The following PLAC1 variants were observed in gnomAD, a reference collection of about 807,000 sequenced individuals.
PLAC1 encodes the protein placenta associated 1.
For missense variants in PLAC1, 136 were observed against 163.2 expected (o/e 0.83, Z 0.91); for synonymous variants, 68 against 62.1 (o/e 1.09, Z -0.44).
At chrX:134,727,645 A>T (rs1029661401) in intron 2 of PLAC1, among the ~76,000 whole-genome samples, 1 of 112,373 alleles carries the variant, frequency 8.9e-6, no homozygotes, top group African/African-American at 3.2e-5. Flanking sequence ...TACTACAACA[A>T]GCAGCAACAA....
At chrX:134,700,574 A>T (rs1233114556) in intron 2 of PLAC1, among the ~76,000 whole-genome samples, 1 of 112,245 alleles carries the variant, frequency 8.9e-6, no homozygotes. Flanking sequence ...CCTGAAACTG[A>T]TAAAAGACTT....
chrX:134,691,872 G>C (rs1179393340), intron 2 of PLAC1, among the ~76,000 whole-genome samples: 1 of 111,759 alleles, frequency 8.9e-6, no homozygotes, highest in Non-Finnish European at 1.9e-5. Context: ...TGGAGAAGGT[G>C]GCAAGTGGGA....
chrX:134,680,891 T>C (rs138709116), intron 2 of PLAC1, among the ~76,000 whole-genome samples: 279 of 111,768 alleles, frequency 2.5e-3, no homozygotes, highest in Non-Finnish European at 3.5e-3. Flanking sequence ...TGAAGCCTAA[T>C]AGATAGAAAA....
intron 1 of PLAC1, among the ~76,000 whole-genome samples, chrX:134,756,446 A>G (rs1461063779): frequency 9.1e-6 from 1 of 110,262 alleles, no homozygotes; most frequent in East Asian, 2.8e-4. Context: ...CTAGGGTACA[A>G]TGTGAAGTAT....
At chrX:134,753,711 T>C (rs183301660) in intron 1 of PLAC1, among the ~76,000 whole-genome samples, 2 of 111,326 alleles carry the variant, frequency 1.8e-5, no homozygotes, top group Non-Finnish European at 3.8e-5. Flanking sequence ...CAGCTCACAT[T>C]TCTCATCCAA....
At chrX:134,732,215 A>G (rs2078690843) in intron 2 of PLAC1, among the ~76,000 whole-genome samples, 1 of 111,411 alleles carries the variant, frequency 9.0e-6, no homozygotes, top group Admixed American at 9.6e-5. Context: ...CCAGACAGAA[A>G]TTAAATCCAG....
chrX:134,645,304 C>T (rs1320791434), intron 1 of PLAC1, among the ~76,000 whole-genome samples: 1 of 112,348 alleles, frequency 8.9e-6, no homozygotes, highest in Non-Finnish European at 1.9e-5. Context: ...ATACTGTGCT[C>T]ATTTAATCTT....
At chrX:134,607,638 A>G (rs2078129176) in intron 1 of PLAC1, 1 of 115,135 alleles carries the variant, frequency 8.7e-6, no homozygotes, top group African/African-American at 3.5e-5. Context: ...CATAATAGGT[A>G]TATATGTAAA....
chrX:134,685,449 C>CTTTTTTTTTT (rs200498313), intron 2 of PLAC1, among the ~76,000 whole-genome samples: 6 of 49,164 alleles, frequency 1.2e-4, no homozygotes, highest in African/African-American at 1.6e-4. Flanking sequence ...AATGGCGTCC[C>CTTTTTTTTTT]TTTTTTTTTT....
intron 2 of PLAC1, among the ~76,000 whole-genome samples, chrX:134,686,375 G>A (rs764019709): frequency 8.9e-6 from 1 of 111,794 alleles, no homozygotes; most frequent in Non-Finnish European, 1.9e-5. Flanking sequence ...GGGCAGAATT[G>A]CTGGTTTGAC....
chrX:134,716,055 T>C (rs770409660), intron 2 of PLAC1, among the ~76,000 whole-genome samples: 65 of 112,495 alleles, frequency 5.8e-4, no homozygotes, highest in Non-Finnish European at 1.1e-3. Flanking sequence ...TAAACAGAAG[T>C]GCAGGAGCAA....
chrX:134,703,698 T>A (rs1173051114), intron 2 of PLAC1, among the ~76,000 whole-genome samples: 1 of 110,293 alleles, frequency 9.1e-6, no homozygotes, highest in Non-Finnish European at 1.9e-5. Flanking sequence ...AAAATGGTGA[T>A]AATTGATATC....
At chrX:134,672,978 A>T (rs1214452954) in intron 2 of PLAC1, among the ~76,000 whole-genome samples, 2 of 112,450 alleles carry the variant, frequency 1.8e-5, no homozygotes, top group Non-Finnish European at 3.7e-5. Flanking sequence ...TGTAAGTCAC[A>T]AAAATATGGA....
intron 2 of PLAC1, among the ~76,000 whole-genome samples, chrX:134,692,635 T>A (rs755617300): frequency 8.9e-6 from 1 of 112,314 alleles, no homozygotes; most frequent in Admixed American, 9.5e-5. Context: ...CCAGTACTCA[T>A]CCTGTCTAAG....
In PLAC1 at chrX:134,750,859, ATTTT is replaced by A. The variant is rs1206628605; in HGVS notation, n.89+13371_89+13374del. On this transcript the variant is annotated intron_variant and non_coding_transcript_variant, in intron 1 of 2. Transcript: ENST00000466797. ...TTTATATATATATTTATATATATATATTTTTATATATATATATTTATAAATATAT... is the reference window on the plus strand; with the variant it reads ...TTTATATATATATTTATATATATATATATATATATATATTTATAAATATAT... Among the ~76,000 whole-genome samples, 48 of 24,233 alleles carry A rather than the reference ATTTT, an allele frequency of 2.0e-3. 11 individuals carry two copies. Among genetic ancestry groups the A allele is most frequent in the Admixed American group, 2.2e-3 (3 of 1,371 alleles). 21.0% of individuals were successfully genotyped at this position (24,233 alleles called of 115,157 possible). A position where few individuals can be genotyped will look rare whatever the true frequency, so the allele number is the denominator to read the frequency against.
intron 1 of PLAC1, among the ~76,000 whole-genome samples, chrX:134,629,472 G>A (rs936220488): frequency 6.3e-5 from 7 of 111,190 alleles, no homozygotes; most frequent in African/African-American, 2.3e-4. Flanking sequence ...TATTGAAGCT[G>A]ACTGTTGAGT....
intron 2 of PLAC1, among the ~76,000 whole-genome samples, chrX:134,672,457 C>T (rs1444582716): frequency 1.8e-5 from 2 of 111,796 alleles, no homozygotes; most frequent in Admixed American, 1.9e-4. Flanking sequence ...TCTATTTTGA[C>T]GTTAAGTAGT....
chrX:134,763,468 C>T (rs1476471764), intron 1 of PLAC1, among the ~76,000 whole-genome samples: 3 of 111,140 alleles, frequency 2.7e-5, no homozygotes, highest in African/African-American at 6.6e-5. Flanking sequence ...TCATGTTCCC[C>T]CCAGAAGCTA....
At chrX:134,681,393 G>A (rs1364493672) in intron 2 of PLAC1, among the ~76,000 whole-genome samples, 1 of 111,265 alleles carries the variant, frequency 9.0e-6, no homozygotes, top group Non-Finnish European at 1.9e-5. Flanking sequence ...AGCAGTGGGG[G>A]ATAGACTGAG....
Sources: allele counts gnomAD v4.1 joint callset (sites outside exome capture counted in the v4.1 genomes callset), GRCh38; gene constraint gnomAD v4.1.1; transcripts MANE v1.5; gene names NCBI Gene and HGNC (gene_info 2026-07-23, HGNC 2026-07-21).